PPP4R3A: variants seen among roughly 807,000 people sequenced by gnomAD.
PPP4R3A encodes the protein protein phosphatase 4 regulatory subunit 3A.
A neutral mutation model predicts 91.7 loss-of-function variants in PPP4R3A; 15 were observed. The observed-to-expected ratio is 0.16, with a 90% CI of 0.11 to 0.25. The LOEUF is 0.25. Among genes scored for constraint, PPP4R3A ranks in the 10% least tolerant of loss-of-function variants. The pLI is 1.00. For synonymous variants in PPP4R3A, 377 were observed against 348.7 expected (o/e 1.08, Z -0.91); for missense variants, 623 against 998.4 (o/e 0.62, Z 5.07).
At chr14:91,490,881 C>CT in intron 1 of PPP4R3A, 79 bp from the exon 2 acceptor site, 1 of 608,306 alleles carries the variant, frequency 1.6e-6, no homozygotes, top group Non-Finnish European at 2.5e-6. Context: ...CACATATTTC[C>CT]TTAAAAAAAA....
At chr14:91,489,261 G>C (rs1267160819) in intron 2 of PPP4R3A, among the ~76,000 whole-genome samples, 1 of 152,048 alleles carries the variant, frequency 6.6e-6, no homozygotes, top group Non-Finnish European at 1.5e-5. Flanking sequence ...AATCATCTTG[G>C]GGGTGAAAGG....
chr14:91,469,971 A>G (rs1451511947), intron 10 of PPP4R3A, among the ~76,000 whole-genome samples: 1 of 152,148 alleles, frequency 6.6e-6, no homozygotes, highest in African/African-American at 2.4e-5. Context: ...CAAAACAATT[A>G]GAAATGAAGT....
intron 3 of PPP4R3A, among the ~76,000 whole-genome samples, chr14:91,483,420 C>T (rs1889691908): frequency 6.6e-6 from 1 of 152,178 alleles, no homozygotes; most frequent in Non-Finnish European, 1.5e-5. Flanking sequence ...AGGCAAGTCA[C>T]ATTCATGGCT....
At chr14:91,487,693 C>T (rs1368924537) in intron 2 of PPP4R3A, among the ~76,000 whole-genome samples, 1 of 148,632 alleles carries the variant, frequency 6.7e-6, no homozygotes, top group Non-Finnish European at 1.5e-5. Flanking sequence ...TAATCTTTCT[C>T]ACTAGGCAAG....
At chr14:91,505,228 G>A (rs1005647795) in intron 1 of PPP4R3A, among the ~76,000 whole-genome samples, 12 of 152,024 alleles carry the variant, frequency 7.9e-5, no homozygotes, top group African/African-American at 2.7e-4. Flanking sequence ...TGAGGAGGGC[G>A]GATCACCTGA....
Position 91,490,752 on chromosome 14 carries a change from G to T in PPP4R3A, c.193C>A (p.Gln65Lys). The change falls in exon 2 of 15, where the codon CAA (glutamine) becomes AAA (lysine). Residue 65 changes from glutamine to lysine, a missense_variant. Gln to Lys is a moderately conservative substitution (Grantham distance 53, BLOSUM62 1). Coordinates refer to ENST00000554943, the MANE Select transcript of PPP4R3A (RefSeq NM_001366432.2). ...KINPNTAYQKQQDTLIVWSEA... is the reference protein window; with the variant it reads ...KINPNTAYQKKQDTLIVWSEA... ...ACACATCTTCAAAATTTTACCTGTTGTTTCTGGTATGCAGTGTTAGGATTT... is the reference window on the plus strand; with the variant it reads ...ACACATCTTCAAAATTTTACCTGTTTTTTCTGGTATGCAGTGTTAGGATTT... 1 of 1,607,782 alleles carries T rather than the reference G, an allele frequency of 6.2e-7. No homozygotes were observed. Among genetic ancestry groups the T allele is most frequent in the Non-Finnish European group, 8.5e-7 (1 of 1,177,638 alleles).
At chr14:91,508,289 T>G (rs1428378770) in intron 1 of PPP4R3A, among the ~76,000 whole-genome samples, 1 of 152,230 alleles carries the variant, frequency 6.6e-6, no homozygotes, top group East Asian at 1.9e-4. Flanking sequence ...GATTACCACT[T>G]TCAATTTAAA....
chr14:91,482,739 T>G (rs1021562512), intron 3 of PPP4R3A, among the ~76,000 whole-genome samples: 1 of 152,138 alleles, frequency 6.6e-6, no homozygotes, highest in African/African-American at 2.4e-5. Context: ...CATCAATTGA[T>G]TGTAGAAACC....
chr14:91,477,367 C>G (rs1284547596), intron 4 of PPP4R3A, among the ~76,000 whole-genome samples: 2 of 152,128 alleles, frequency 1.3e-5, no homozygotes, highest in African/African-American at 4.8e-5. Context: ...TTGCTGACCC[C>G]TCACTTTCAT....
Position 91,509,942 on chromosome 14 carries a change from G to T in PPP4R3A, c.-295C>A. 1.9e-6 allele frequency: 2 copies of T among 1,028,942 alleles called. No individual in the cohort carries two copies. Among genetic ancestry groups the T allele is most frequent in the South Asian group, 8.8e-5 (2 of 22,710 alleles). 63.7% of individuals were successfully genotyped at this position (1,028,942 alleles called of 1,614,324 possible). A position where few individuals can be genotyped will look rare whatever the true frequency, so the allele number is the denominator to read the frequency against. On this transcript the variant is annotated 5_prime_UTR_variant, in exon 1 of 15. Coordinates refer to ENST00000554943, the MANE Select transcript of PPP4R3A (RefSeq NM_001366432.2). ...GCAGCGCTTCGTAGCCTCCCGCCCC[G>T]CAGCGCTAGGAACTCGGGGCTCCCG...
At chr14:91,471,527 G>C (rs924707974) in intron 9 of PPP4R3A, among the ~76,000 whole-genome samples, 4 of 152,080 alleles carry the variant, frequency 2.6e-5, no homozygotes, top group Admixed American at 1.3e-4. Flanking sequence ...GCCTCTGAAA[G>C]GCTTTTTTTC....
In PPP4R3A at chr14:91,510,017, G is replaced by A. The variant is rs1351826403; in HGVS notation, c.-370C>T. On this transcript the variant is annotated 5_prime_UTR_variant, in exon 1 of 15. Coordinates refer to ENST00000554943, the MANE Select transcript of PPP4R3A (RefSeq NM_001366432.2). Reference sequence around the variant, plus strand: ...CATGATCTCCGCGAAGCAGCTTCCCGCGCCGCCGCCGCCTCCTCAGGCCGC... The same window carrying A: ...CATGATCTCCGCGAAGCAGCTTCCCACGCCGCCGCCGCCTCCTCAGGCCGC... The A allele has an allele frequency of 7.5e-6, 7 of 930,140 alleles. No individual in the cohort carries two copies. Among genetic ancestry groups the A allele is most frequent in the African/African-American group, 1.8e-5 (1 of 56,100 alleles). 57.6% of individuals were successfully genotyped at this position (930,140 alleles called of 1,614,324 possible).
At chr14:91,494,591 G>A (rs1197872232) in intron 1 of PPP4R3A, among the ~76,000 whole-genome samples, 1 of 152,154 alleles carries the variant, frequency 6.6e-6, no homozygotes, top group Admixed American at 6.5e-5. Context: ...GGCCAGGCAC[G>A]GTGGCTCACG....
chr14:91,497,929 T>C (rs1051086452), intron 1 of PPP4R3A, among the ~76,000 whole-genome samples: 5 of 152,238 alleles, frequency 3.3e-5, no homozygotes, highest in African/African-American at 1.2e-4. Flanking sequence ...CAAGGTTACA[T>C]GCCTTTTCCA....
chr14:91,494,641 T>TCA (rs1890430064), intron 1 of PPP4R3A, among the ~76,000 whole-genome samples: 1 of 152,126 alleles, frequency 6.6e-6, no homozygotes, highest in Non-Finnish European at 1.5e-5. Flanking sequence ...GGCAGGTGGA[T>TCA]CACTTGAGGT....
intron 14 of PPP4R3A, among the ~76,000 whole-genome samples, chr14:91,460,896 G>A (rs1888109443): frequency 6.6e-6 from 1 of 152,124 alleles, no homozygotes; most frequent in Non-Finnish European, 1.5e-5. Context: ...TGGGATTACA[G>A]GCGTGAGCCA....
chr14:91,495,787 C>G (rs996279438), intron 1 of PPP4R3A, among the ~76,000 whole-genome samples: 4 of 152,034 alleles, frequency 2.6e-5, no homozygotes, highest in African/African-American at 9.6e-5. Flanking sequence ...AGTGTGGCAG[C>G]GCACGCCTGT....
chr14:91,488,678 C>A (rs747028788), intron 2 of PPP4R3A, among the ~76,000 whole-genome samples: 11 of 152,058 alleles, frequency 7.2e-5, no homozygotes, highest in African/African-American at 2.2e-4. Context: ...TATTATAAGG[C>A]TCCAGATAAG....
At chr14:91,490,006 G>A (rs1427452770) in intron 2 of PPP4R3A, among the ~76,000 whole-genome samples, 1 of 149,996 alleles carries the variant, frequency 6.7e-6, no homozygotes, top group African/African-American at 2.5e-5. Context: ...AGCACTTTAT[G>A]AACAAGCTGG....
Sources: gnomAD v4.1 joint callset for allele counts (sites outside exome capture counted in the v4.1 genomes callset) on GRCh38, gnomAD v4.1.1 for gene constraint, MANE v1.5 for transcripts, NCBI Gene and HGNC (gene_info 2026-07-23, HGNC 2026-07-21) for gene names.